Variants in SLC35F2 observed in about 807,000 individuals in gnomAD.
SLC35F2 encodes queuine/queuosine transporter SLC35F2.
Under a neutral mutation model 38.1 loss-of-function variants are expected in SLC35F2, and 25 were observed. That is an observed-to-expected ratio of 0.66 (90% CI 0.48 to 0.92). SLC35F2 has a LOEUF of 0.92. Among genes scored for constraint, SLC35F2 ranks in the 40% least tolerant of loss-of-function variants. SLC35F2 has a pLI of 0.00. For missense variants in SLC35F2, 409 were observed against 452.9 expected (o/e 0.90, Z 0.88); for synonymous variants, 173 against 181.7 (o/e 0.95, Z 0.38).
intron 1 of SLC35F2, chr11:107,821,637 C>T: frequency 1.0e-6 from 1 of 984,412 alleles, no homozygotes; most frequent in Non-Finnish European, 1.2e-6. Flanking sequence ...CCCTCTATAC[C>T]ATAACAAAAC....
chr11:107,818,122 A>T (rs1333369483), intron 1 of SLC35F2, among the ~76,000 whole-genome samples: 4 of 149,536 alleles, frequency 2.7e-5, no homozygotes, highest in Admixed American at 6.7e-5. Flanking sequence ...GAAAGAAAGA[A>T]AGAAAGAAAG....
Position 107,800,800 on chromosome 11 carries a change from GAA to G in SLC35F2, c.939+2199_939+2200del, listed in dbSNP as rs549240709. ...GGGGTTTTACCATGTTGTCCAGGCT[GAA>G]AAGAGGTATTTCTAAAGCAGGGGTT... On this transcript the variant is annotated intron_variant, in intron 7 of 7. Transcript: ENST00000525815. Among the ~76,000 whole-genome samples, 471 of 152,040 alleles carry G rather than the reference GAA, an allele frequency of 3.1e-3. 2 individuals are homozygous for G. Among genetic ancestry groups the G allele is most frequent in the African/African-American group, 0.011 (452 of 41,474 alleles).
chr11:107,804,872 G>A, intron 5 of SLC35F2, 102 bp from the exon 6 acceptor site: 1 of 1,183,560 alleles, frequency 8.4e-7, no homozygotes, highest in Non-Finnish European at 1.2e-6. Context: ...GGAATTACAT[G>A]GACATTTGAA....
chr11:107,817,974 T>C (rs563101839), intron 1 of SLC35F2, among the ~76,000 whole-genome samples: 203 of 150,078 alleles, frequency 1.4e-3, no homozygotes, highest in Non-Finnish European at 2.5e-3. Context: ...GGAGAATCGC[T>C]TGAACCCGGG....
chr11:107,820,820 G>A (rs1339267090), intron 1 of SLC35F2, among the ~76,000 whole-genome samples: 1 of 152,160 alleles, frequency 6.6e-6, no homozygotes, highest in Non-Finnish European at 1.5e-5. Context: ...GCTGGGCATA[G>A]TGGCAGGCGC....
chr11:107,808,125 T>C (rs572107933), intron 3 of SLC35F2, among the ~76,000 whole-genome samples: 10 of 152,322 alleles, frequency 6.6e-5, no homozygotes, highest in African/African-American at 2.2e-4. Context: ...CATGGGTTAC[T>C]GTGAGAGAAC....
rs989904808 is a variant in SLC35F2 at position 107,791,925 on chromosome 11, A to G, written c.*690T>C. Reference sequence around the variant, plus strand: ...CTACTAACACTTGAATCCAGGAGGCAGAGGTTACAGTAAGCTGAGCTTGCA... The same window carrying G: ...CTACTAACACTTGAATCCAGGAGGCGGAGGTTACAGTAAGCTGAGCTTGCA... On this transcript the variant is annotated 3_prime_UTR_variant, in exon 8 of 8. Coordinates refer to ENST00000525815, the MANE Select transcript of SLC35F2 (RefSeq NM_017515.5). 2 of 152,160 alleles carry G rather than the reference A, an allele frequency of 1.3e-5. No individual in the cohort carries two copies. Among genetic ancestry groups the G allele is most frequent in the African/African-American group, 4.8e-5 (2 of 41,442 alleles). 9.4% of individuals were successfully genotyped at this position (152,160 alleles called of 1,614,324 possible). A position where few individuals can be genotyped will look rare whatever the true frequency, so the allele number is the denominator to read the frequency against.
At chr11:107,798,091 C>T (rs1859249560) in intron 7 of SLC35F2, among the ~76,000 whole-genome samples, 1 of 152,118 alleles carries the variant, frequency 6.6e-6, no homozygotes, top group African/African-American at 2.4e-5. Flanking sequence ...GCAACCTCTA[C>T]CTCCTGGGCT....
chr11:107,843,867 AAATATATATATATATATATATATATAT>A (rs1860058412), intron 1 of SLC35F2, among the ~76,000 whole-genome samples: 1 of 30,706 alleles, frequency 3.3e-5, no homozygotes, highest in Non-Finnish European at 5.6e-5. Flanking sequence ...AAAAAAAAAA[AAATATATATATATATATATATATATAT>A]ATATATATAT....
At chr11:107,832,576 G>A (rs971293211) in intron 1 of SLC35F2, among the ~76,000 whole-genome samples, 5 of 152,208 alleles carry the variant, frequency 3.3e-5, no homozygotes, top group African/African-American at 4.8e-5. Flanking sequence ...GCCAAGGTGG[G>A]CAGACTGCTG....
intron 1 of SLC35F2, among the ~76,000 whole-genome samples, chr11:107,841,024 T>G (rs1348673099): frequency 6.6e-6 from 1 of 152,142 alleles, no homozygotes; most frequent in Non-Finnish European, 1.5e-5. Flanking sequence ...TACGCCTCCC[T>G]TAAACTAGCT....
At chr11:107,814,858 G>A (rs1436217243) in intron 2 of SLC35F2, among the ~76,000 whole-genome samples, 1 of 152,178 alleles carries the variant, frequency 6.6e-6, no homozygotes, top group Non-Finnish European at 1.5e-5. Flanking sequence ...AGCACTCTGG[G>A]AGGGCAAGGC....
chr11:107,827,711 T>C (rs1859776257), intron 1 of SLC35F2, among the ~76,000 whole-genome samples: 1 of 147,754 alleles, frequency 6.8e-6, no homozygotes, highest in African/African-American at 2.5e-5. Flanking sequence ...ATCGCAACAC[T>C]GCACTCCAGC....
At chr11:107,795,402 G>T (rs1200517782) in intron 7 of SLC35F2, among the ~76,000 whole-genome samples, 1 of 152,130 alleles carries the variant, frequency 6.6e-6, no homozygotes, top group Non-Finnish European at 1.5e-5. Context: ...TAGGACATTG[G>T]TCTAGACAAA....
At chr11:107,814,033 T>G (rs1214789774) in intron 2 of SLC35F2, among the ~76,000 whole-genome samples, 1 of 152,186 alleles carries the variant, frequency 6.6e-6, no homozygotes, top group Non-Finnish European at 1.5e-5. Flanking sequence ...ATTTCCTAAG[T>G]GTGCACAGTG....
chr11:107,854,582 A>C (rs1257813297), intron 1 of SLC35F2, among the ~76,000 whole-genome samples: 1 of 152,220 alleles, frequency 6.6e-6, no homozygotes, highest in Non-Finnish European at 1.5e-5. Context: ...ACTAAGGAAT[A>C]TATGGTTCTC....
rs1474360139 is a variant in SLC35F2 at position 107,792,038 on chromosome 11, TGTATA to T, written c.*572_*576del. ...GTTTACTGCACTCCAGTTTAATGCT[TGTATA>T]GTACTCACACTTATATCTCAAGACT... On this transcript the variant is annotated 3_prime_UTR_variant, in exon 8 of 8. Transcript: ENST00000525815. The T allele has an allele frequency of 6.6e-6, 1 of 152,018 alleles. No individual in the cohort carries two copies. The highest frequency in any genetic ancestry group is 2.4e-5 in the African/African-American group (1 of 41,352). 9.4% of individuals were successfully genotyped at this position (152,018 alleles called of 1,614,324 possible). A position where few individuals can be genotyped will look rare whatever the true frequency, so the allele number is the denominator to read the frequency against.
chr11:107,838,837 C>A (rs888852348), intron 1 of SLC35F2, among the ~76,000 whole-genome samples: 5 of 151,468 alleles, frequency 3.3e-5, no homozygotes, highest in African/African-American at 9.7e-5. Flanking sequence ...CCATATTGCC[C>A]AAGCTGGTCT....
At chr11:107,846,841 A>C (rs1288424812) in intron 1 of SLC35F2, among the ~76,000 whole-genome samples, 3 of 151,736 alleles carry the variant, frequency 2.0e-5, no homozygotes, top group Non-Finnish European at 4.4e-5. Flanking sequence ...GAGGCAGGAG[A>C]ATCGCTTGAA....
Sources: allele counts gnomAD v4.1 joint callset (sites outside exome capture counted in the v4.1 genomes callset), GRCh38; gene constraint gnomAD v4.1.1; transcripts MANE v1.5; gene names NCBI Gene and HGNC (gene_info 2026-07-23, HGNC 2026-07-21).